The following CREB5 variants were observed in gnomAD, a reference collection of about 807,000 sequenced individuals.
CREB5 encodes cyclic AMP-responsive element-binding protein 5.
Under a neutral mutation model 57.1 loss-of-function variants are expected in CREB5, and 19 were observed. That is an observed-to-expected ratio of 0.33 (90% CI 0.23 to 0.49). The LOEUF (loss-of-function observed/expected upper bound fraction) is 0.49. Among genes scored for constraint, CREB5 ranks in the 20% least tolerant of loss-of-function variants. The pLI is 0.99. For synonymous variants in CREB5, 238 were observed against 238.3 expected, an observed-to-expected ratio of 1.00 and a Z score of 0.01; for missense variants, 579 against 671.6, an observed-to-expected ratio of 0.86 and a Z score of 1.52.
chr7:28,723,944 G>A (rs760073299), intron 6 of CREB5, among the ~76,000 whole-genome samples: 4 of 152,210 alleles, frequency 2.6e-5, no homozygotes, highest in East Asian at 3.9e-4. Flanking sequence ...TTACAAAAGT[G>A]GAAATATTTG....
chr7:28,358,024 T>C (rs1053250606), intron 1 of CREB5, among the ~76,000 whole-genome samples: 3 of 151,954 alleles, frequency 2.0e-5, no homozygotes, highest in African/African-American at 4.8e-5. Flanking sequence ...GTTTTGGGGG[T>C]TCTACAGTGA....
intron 9 of CREB5, among the ~76,000 whole-genome samples, chr7:28,812,999 C>T (rs1281582559): frequency 6.6e-6 from 1 of 152,182 alleles, no homozygotes; most frequent in Admixed American, 6.5e-5. Flanking sequence ...CAAAATCAAA[C>T]TCCCAGACTT....
At chr7:28,709,331 G>T (rs1416688826) in intron 5 of CREB5, among the ~76,000 whole-genome samples, 1 of 152,014 alleles carries the variant, frequency 6.6e-6, no homozygotes, top group African/African-American at 2.4e-5. Context: ...TTTGAAAATG[G>T]ATTTTTTTTC....
intron 7 of CREB5, among the ~76,000 whole-genome samples, chr7:28,729,383 G>C (rs532933316): frequency 1.3e-5 from 2 of 152,154 alleles, no homozygotes; most frequent in African/African-American, 2.4e-5. Context: ...GGTTTCCTCC[G>C]CACAGCCTGG....
In CREB5 at chr7:28,561,007, T is replaced by TGCGTGCGTGTGTGCGTGC. The variant is rs765237919; in HGVS notation, c.292-9357_292-9356insCGTGCGTGTGTGCGTGCG. 9.8e-4 allele frequency among the ~76,000 whole-genome samples: 43 copies of TGCGTGCGTGTGTGCGTGC among 44,100 alleles called. 11 individuals are homozygous for TGCGTGCGTGTGTGCGTGC. Among genetic ancestry groups the TGCGTGCGTGTGTGCGTGC allele is most frequent in the East Asian group, 1.8e-3 (2 of 1,142 alleles). 28.9% of individuals were successfully genotyped at this position (44,100 alleles called of 152,430 possible). ...GTGCGTGTGTGTGCCTGCGTGTGCGTGTGTGTGTGCGTGTGTGCGTGTGTG... is the reference window on the plus strand; with the variant it reads ...GTGCGTGTGTGTGCCTGCGTGTGCGTGCGTGCGTGTGTGCGTGCGTGTGTGTGCGTGTGTGCGTGTGTG... On this transcript the variant is annotated intron_variant, in intron 4 of 10. Coordinates refer to ENST00000357727, the MANE Select transcript of CREB5 (RefSeq NM_182898.4).
chr7:28,643,420 T>C (rs1221411253), intron 5 of CREB5, among the ~76,000 whole-genome samples: 2 of 152,194 alleles, frequency 1.3e-5, no homozygotes, highest in Non-Finnish European at 2.9e-5. Context: ...AAAAGAATGT[T>C]TCATTTTTCC....
At chr7:28,403,181 G>A (rs917218820) in intron 1 of CREB5, among the ~76,000 whole-genome samples, 1 of 152,126 alleles carries the variant, frequency 6.6e-6, no homozygotes, top group Non-Finnish European at 1.5e-5. Flanking sequence ...GTGCAGATTT[G>A]TTAACCTAAA....
At chr7:28,799,008 C>A (rs1386748730) in intron 7 of CREB5, among the ~76,000 whole-genome samples, 1 of 152,130 alleles carries the variant, frequency 6.6e-6, no homozygotes, top group African/African-American at 2.4e-5. Context: ...GTAGAAATTT[C>A]TATATTTGGG....
chr7:28,822,678 A>C lies in CREB5; in HGVS notation c.*3399A>C, dbSNP rs1809846364. 1 of 152,662 alleles carries C rather than the reference A, an allele frequency of 6.6e-6. No individual in the cohort carries two copies. The highest frequency in any genetic ancestry group is 1.5e-5 in the Non-Finnish European group (1 of 68,062). 9.5% of individuals were successfully genotyped at this position (152,662 alleles called of 1,614,324 possible). On this transcript the variant is annotated 3_prime_UTR_variant, in exon 11 of 11. Transcript: ENST00000357727. ...TTAACAACTCAGATAAGTACACCTG[A>C]GAGCATTTCTATCAGGTAAACTGTC...
At chr7:28,782,548 G>A (rs1807050380) in intron 7 of CREB5, among the ~76,000 whole-genome samples, 4 of 152,108 alleles carry the variant, frequency 2.6e-5, no homozygotes, top group Admixed American at 2.6e-4. Flanking sequence ...TCCCATTTTT[G>A]AAAGCAGAAG....
intron 7 of CREB5, among the ~76,000 whole-genome samples, chr7:28,729,685 A>T (rs1803509038): frequency 6.6e-6 from 1 of 152,172 alleles, no homozygotes; most frequent in Non-Finnish European, 1.5e-5. Context: ...TATTTGCTTT[A>T]ATCATCCCCA....
chr7:28,800,527 C>T (rs148592207), intron 7 of CREB5, among the ~76,000 whole-genome samples: 115 of 152,278 alleles, frequency 7.6e-4, no homozygotes, highest in African/African-American at 2.7e-3. Context: ...GAAGTAGAGG[C>T]AGGGAGAAGG....
At chr7:28,432,248 G>A (rs947729074) in intron 1 of CREB5, among the ~76,000 whole-genome samples, 2 of 152,088 alleles carry the variant, frequency 1.3e-5, no homozygotes, top group African/African-American at 2.4e-5. Context: ...TGGATCATAG[G>A]GATTCCTAGT....
intron 1 of CREB5, among the ~76,000 whole-genome samples, chr7:28,445,632 A>G (rs981981074): frequency 1.6e-4 from 25 of 151,598 alleles, no homozygotes; most frequent in Admixed American, 1.1e-3. Context: ...GCTCACTGCA[A>G]GCTCCGCCTC....
At chr7:28,757,168 G>T (rs115208209) in intron 7 of CREB5, among the ~76,000 whole-genome samples, 1 of 152,116 alleles carries the variant, frequency 6.6e-6, no homozygotes. Context: ...TCTCGCAACC[G>T]TCGTATATGA....
chr7:28,487,230 T>C (rs996433817), intron 1 of CREB5, among the ~76,000 whole-genome samples: 2 of 152,298 alleles, frequency 1.3e-5, no homozygotes, highest in Non-Finnish European at 2.9e-5. Flanking sequence ...ATGGCCAGGC[T>C]GGTCTCAAAC....
chr7:28,623,368 T>C (rs1257957075), intron 5 of CREB5, among the ~76,000 whole-genome samples: 4 of 152,240 alleles, frequency 2.6e-5, no homozygotes, highest in Non-Finnish European at 4.4e-5. Flanking sequence ...TATTCTAATA[T>C]TTTTAGCCAG....
At chr7:28,665,531 C>A (rs938278497) in intron 5 of CREB5, among the ~76,000 whole-genome samples, 7 of 152,000 alleles carry the variant, frequency 4.6e-5, no homozygotes, top group African/African-American at 1.7e-4. Flanking sequence ...TTACCAAATG[C>A]CCTAGTTTAA....
intron 1 of CREB5, among the ~76,000 whole-genome samples, chr7:28,359,042 T>A (rs1220906376): frequency 6.6e-6 from 1 of 152,196 alleles, no homozygotes; most frequent in Non-Finnish European, 1.5e-5. Flanking sequence ...TTCAGGAGAA[T>A]TTGTTTCTCT....
Sources: gnomAD v4.1 joint callset for allele counts (sites outside exome capture counted in the v4.1 genomes callset) on GRCh38, gnomAD v4.1.1 for gene constraint, MANE v1.5 for transcripts, NCBI Gene and HGNC (gene_info 2026-07-23, HGNC 2026-07-21) for gene names.